DCBLD2: variants seen among roughly 807,000 people sequenced by gnomAD.
DCBLD2 encodes the protein discoidin, CUB and LCCL domain-containing protein 2.
In DCBLD2, 54 loss-of-function variants were observed where a neutral mutation model predicts 86.8. The observed-to-expected ratio is 0.62, with a 90% CI of 0.50 to 0.78. DCBLD2 has a LOEUF of 0.78. DCBLD2 is among the 30% of genes least tolerant of loss of function. DCBLD2 has a pLI of 0.00. For synonymous variants in DCBLD2, 354 were observed against 341.3 expected, an observed-to-expected ratio of 1.04 and a Z score of -0.41; for missense variants, 908 against 954.2, an observed-to-expected ratio of 0.95 and a Z score of 0.64.
At chr3:98,882,417 C>T (rs965759084) in intron 1 of DCBLD2, among the ~76,000 whole-genome samples, 1 of 151,932 alleles carries the variant, frequency 6.6e-6, no homozygotes, top group Non-Finnish European at 1.5e-5. Flanking sequence ...TGAATGGAAG[C>T]TCTTTTTTTT....
intron 5 of DCBLD2, 119 bp from the exon 6 acceptor site, chr3:98,822,480 CAA>C: frequency 1.5e-6 from 2 of 1,349,986 alleles, no homozygotes; most frequent in Middle Eastern, 3.8e-4. Flanking sequence ...ACTTCATAAA[CAA>C]AAATAGATTA....
At chr3:98,870,403 A>G (rs1943238187) in intron 2 of DCBLD2, among the ~76,000 whole-genome samples, 1 of 152,162 alleles carries the variant, frequency 6.6e-6, no homozygotes, top group South Asian at 2.1e-4. Context: ...TTGTTTGCTC[A>G]GGACTGCTTT....
chr3:98,877,267 G>A (rs761840722), intron 2 of DCBLD2, among the ~76,000 whole-genome samples: 17 of 152,164 alleles, frequency 1.1e-4, no homozygotes, highest in South Asian at 2.1e-4. Context: ...CACATTGAAG[G>A]GCAGGTGGTG....
intron 2 of DCBLD2, among the ~76,000 whole-genome samples, chr3:98,853,110 T>C (rs1942870413): frequency 6.6e-6 from 1 of 152,168 alleles, no homozygotes; most frequent in Non-Finnish European, 1.5e-5. Flanking sequence ...TAGTGTACAG[T>C]CCAAGAATAT....
chr3:98,853,950 C>A (rs13078549), intron 2 of DCBLD2, among the ~76,000 whole-genome samples: 10,783 of 151,948 alleles, frequency 0.071, 469 homozygotes, highest in African/African-American at 0.097. Flanking sequence ...CTTAAAGAGC[C>A]TCAGTCCTAA....
intron 3 of DCBLD2, among the ~76,000 whole-genome samples, chr3:98,843,133 T>C (rs1942652109): frequency 6.6e-6 from 1 of 152,164 alleles, no homozygotes; most frequent in Admixed American, 6.6e-5. Context: ...TAACACTTTG[T>C]TCGTCAGCAC....
chr3:98,806,654 G>A (rs1941845250), intron 13 of DCBLD2, among the ~76,000 whole-genome samples: 1 of 152,068 alleles, frequency 6.6e-6, no homozygotes, highest in Non-Finnish European at 1.5e-5. Context: ...CCAGCACATG[G>A]CTCAATACTT....
At chr3:98,887,643 T>C (rs1266325406) in intron 1 of DCBLD2, among the ~76,000 whole-genome samples, 2 of 152,042 alleles carry the variant, frequency 1.3e-5, no homozygotes, top group African/African-American at 2.4e-5. Context: ...TGGTAAAACA[T>C]ATATAACATA....
In DCBLD2 at chr3:98,870,737, A is replaced by AAAAGAAAGAAAGAAAGAAAGAAAAGAAAG. The variant is rs1553731631; in HGVS notation, c.433+10802_433+10803insCTTTCTTTTCTTTCTTTCTTTCTTTCTTT. On this transcript the variant is annotated intron_variant, in intron 2 of 15. Transcript: ENST00000326840. ...AAGAAAAAGGAAAAGAAAAGAAAGA[A>AAAAGAAAGAAAGAAAGAAAGAAAAGAAAG]AAAGAAAGAAAGAAAGAAAGAAAGA... 6.1e-3 allele frequency among the ~76,000 whole-genome samples: 428 copies of AAAAGAAAGAAAGAAAGAAAGAAAAGAAAG among 69,666 alleles called. 2 individuals carry two copies. Among genetic ancestry groups the AAAAGAAAGAAAGAAAGAAAGAAAAGAAAG allele is most frequent in the Non-Finnish European group, 8.4e-3 (286 of 34,128 alleles). The allele number at this position is 69,666 out of a possible 152,430, so 45.7% of individuals were successfully genotyped here.
chr3:98,857,798 CTT>C (rs1465320051), intron 2 of DCBLD2, among the ~76,000 whole-genome samples: 1 of 152,104 alleles, frequency 6.6e-6, no homozygotes, highest in African/African-American at 2.4e-5. Flanking sequence ...TGATTGGTGT[CTT>C]TACAAACCTT....
chr3:98,881,440 T>A (rs1013017242), intron 2 of DCBLD2, 100 bp downstream of exon 2: 6 of 1,066,136 alleles, frequency 5.6e-6, no homozygotes. Context: ...ATTTCCCACA[T>A]AGCACCTTAC....
intron 1 of DCBLD2, among the ~76,000 whole-genome samples, chr3:98,899,745 T>C (rs1204576763): frequency 2.0e-5 from 3 of 152,320 alleles, no homozygotes; most frequent in South Asian, 2.1e-4. Flanking sequence ...TGTGTCTCAA[T>C]GTCCTTACGT....
At chr3:98,853,871 T>C (rs958526509) in intron 2 of DCBLD2, among the ~76,000 whole-genome samples, 1 of 152,208 alleles carries the variant, frequency 6.6e-6, no homozygotes, top group Non-Finnish European at 1.5e-5. Flanking sequence ...AACCAGAGGG[T>C]AGAGAGTTAC....
chr3:98,825,220 A>G, intron 4 of DCBLD2, 95 bp downstream of exon 4: 1 of 948,290 alleles, frequency 1.1e-6, no homozygotes. Context: ...CACAATATAC[A>G]TTAACCCTAA....
chr3:98,872,757 CA>C (rs1237141946), intron 2 of DCBLD2, among the ~76,000 whole-genome samples: 2 of 151,358 alleles, frequency 1.3e-5, no homozygotes, highest in Non-Finnish European at 3.0e-5. Context: ...TAAACCTTAC[CA>C]AACACGAAAA....
intron 12 of DCBLD2, among the ~76,000 whole-genome samples, chr3:98,808,782 A>C (rs988379913): frequency 1.3e-5 from 2 of 152,146 alleles, no homozygotes; most frequent in Non-Finnish European, 2.9e-5. Context: ...TATCTCACTG[A>C]TTGGCATTTT....
Position 98,802,259 on chromosome 3 carries a change from G to C in DCBLD2, c.1671-610C>G, listed in dbSNP as rs535275568. Among the ~76,000 whole-genome samples, 12 of 152,282 alleles carry C rather than the reference G, an allele frequency of 7.9e-5. No individual in the cohort carries two copies. In the East Asian group the frequency reaches 9.6e-4, roughly 12 times the overall value. On this transcript the variant is annotated intron_variant, in intron 13 of 15. Transcript: ENST00000326840. Reference sequence around the variant, plus strand: ...TAATGATCACCATTCTAACTGGTGTGAGATGGTATCTCATTGTGGTTTTGA... The same window carrying C: ...TAATGATCACCATTCTAACTGGTGTCAGATGGTATCTCATTGTGGTTTTGA...
intron 1 of DCBLD2, among the ~76,000 whole-genome samples, chr3:98,893,636 A>G (rs1943699860): frequency 6.6e-6 from 1 of 152,224 alleles, no homozygotes; most frequent in Non-Finnish European, 1.5e-5. Context: ...CGTCACTGAA[A>G]AAAGCAGAGA....
intron 2 of DCBLD2, among the ~76,000 whole-genome samples, chr3:98,864,478 G>A (rs187920928): frequency 6.6e-6 from 1 of 152,286 alleles, no homozygotes; most frequent in Admixed American, 6.5e-5. Context: ...TGATAGACTA[G>A]ATTAAGAAAA....
Sources: allele counts gnomAD v4.1 joint callset (sites outside exome capture counted in the v4.1 genomes callset), GRCh38; gene constraint gnomAD v4.1.1; transcripts MANE v1.5; gene names NCBI Gene and HGNC (gene_info 2026-07-23, HGNC 2026-07-21).